ITGA1: variants seen among roughly 807,000 people sequenced by gnomAD.
ITGA1 encodes the protein integrin subunit alpha 1, also known as integrin alpha-1.
A neutral mutation model predicts 145.9 loss-of-function variants in ITGA1; 85 were observed. The observed-to-expected ratio is 0.58, with a 90% CI of 0.49 to 0.70. The LOEUF is 0.70. Among genes scored for constraint, ITGA1 ranks in the 30% least tolerant of loss-of-function variants. The pLI, the probability that ITGA1 is intolerant of heterozygous loss-of-function variation, is 0.00. For synonymous variants in ITGA1, 520 were observed against 495.3 expected, an observed-to-expected ratio of 1.05 and a Z score of -0.66; for missense variants, 1,351 against 1,418.7, an observed-to-expected ratio of 0.95 and a Z score of 0.77.
intron 1 of ITGA1, among the ~76,000 whole-genome samples, chr5:52,789,274 C>T (rs1367470134): frequency 6.6e-6 from 1 of 151,934 alleles, no homozygotes; most frequent in Non-Finnish European, 1.5e-5. Flanking sequence ...GAAAGTGTAT[C>T]GATAGAATCT....
rs192093828 is a variant in ITGA1 at position 52,906,567 on chromosome 5, C to T, written c.1455+659C>T. ...AAATATGCAAACATTTACACACACA[C>T]ATATTAACTGAAAGAAAGATCTAAC... On this transcript the variant is annotated intron_variant, in intron 12 of 28. Coordinates refer to ENST00000282588, the MANE Select transcript of ITGA1 (RefSeq NM_181501.2). Among the ~76,000 whole-genome samples, 5 of 152,144 alleles carry T rather than the reference C, an allele frequency of 3.3e-5. No homozygotes were observed. The South Asian group carries it at 8.3e-4, about 25-fold the overall frequency.
In ITGA1 at chr5:52,893,669, T is replaced by C. The variant is rs750797720; in HGVS notation, c.925-6T>C. Reference sequence around the variant, plus strand: ...ATATATTCTTGCTGTTTCTGTTGTGTCTTAGATTCTTGGCAGCTATAACCG... The same window carrying C: ...ATATATTCTTGCTGTTTCTGTTGTGCCTTAGATTCTTGGCAGCTATAACCG... On this transcript the variant is annotated splice_region_variant and splice_polypyrimidine_tract_variant and intron_variant, in intron 8 of 28. Coordinates refer to ENST00000282588, the MANE Select transcript of ITGA1 (RefSeq NM_181501.2). 1 of 1,608,974 alleles carries C rather than the reference T, an allele frequency of 6.2e-7. No homozygotes were observed. The highest frequency in any genetic ancestry group is 8.5e-7 in the Non-Finnish European group (1 of 1,177,380).
chr5:52,893,937 T>TC, intron 9 of ITGA1, 97 bp downstream of exon 9: 1 of 788,946 alleles, frequency 1.3e-6, no homozygotes, highest in East Asian at 2.9e-5. Context: ...AGTAATACTT[T>TC]TTTTTTTTTT....
chr5:52,897,140 T>C (rs1463314759), intron 9 of ITGA1, among the ~76,000 whole-genome samples: 3 of 152,134 alleles, frequency 2.0e-5, no homozygotes, highest in Admixed American at 6.6e-5. Context: ...AACTTGAGCC[T>C]TGTGGACCCA....
chr5:52,878,145 A>G (rs1334775354), intron 6 of ITGA1, among the ~76,000 whole-genome samples: 1 of 152,130 alleles, frequency 6.6e-6, no homozygotes, highest in Non-Finnish European at 1.5e-5. Flanking sequence ...GGAGCTGAGG[A>G]GGACGGGGGA....
intron 17 of ITGA1, among the ~76,000 whole-genome samples, chr5:52,921,189 C>T (rs1351476805): frequency 1.3e-5 from 2 of 152,014 alleles, no homozygotes; most frequent in African/African-American, 4.8e-5. Context: ...AAACAAGAAG[C>T]AGCATGAAGG....
At position 52,887,930 on chromosome 5, in the gene ITGA1, T is replaced by C; in HGVS notation, c.889T>C (p.Cys297Arg). The C allele has an allele frequency of 6.2e-7, 1 of 1,613,740 alleles. No homozygotes were observed. The highest frequency in any genetic ancestry group is 8.5e-7 in the Non-Finnish European group (1 of 1,179,740). ...TCGACTGAAGAAGGTCATCCAAGACTGTGAAGATGAAAACATTCAACGGTT... is the reference window on the plus strand; with the variant it reads ...TCGACTGAAGAAGGTCATCCAAGACCGTGAAGATGAAAACATTCAACGGTT... ...NHRLKKVIQDCEDENIQRFSI... is the reference protein window; with the variant it reads ...NHRLKKVIQDREDENIQRFSI... The change falls in exon 8 of 29, where the codon TGT becomes CGT. Residue 297 changes from cysteine to arginine, a missense_variant. Coordinates refer to ENST00000282588, the MANE Select transcript of ITGA1 (RefSeq NM_181501.2).
chr5:52,829,663 A>G (rs1393610579), intron 1 of ITGA1, among the ~76,000 whole-genome samples: 1 of 152,158 alleles, frequency 6.6e-6, no homozygotes, highest in Non-Finnish European at 1.5e-5. Context: ...AAACAGTTCA[A>G]TACTCATTTA....
chr5:52,898,565 C>G (rs1750267417), intron 11 of ITGA1, among the ~76,000 whole-genome samples, 182 bp downstream of exon 11: 1 of 152,090 alleles, frequency 6.6e-6, no homozygotes, highest in Non-Finnish European at 1.5e-5. Context: ...GTCAAAATGA[C>G]ATACATGGGG....
chr5:52,892,683 G>A (rs1038400009), intron 8 of ITGA1, among the ~76,000 whole-genome samples: 5 of 152,084 alleles, frequency 3.3e-5, no homozygotes. Flanking sequence ...ACTGCTACAT[G>A]CAGCAACACG....
intron 21 of ITGA1, among the ~76,000 whole-genome samples, chr5:52,930,140 C>A (rs536828606): frequency 6.6e-6 from 1 of 152,082 alleles, no homozygotes; most frequent in Non-Finnish European, 1.5e-5. Context: ...TGAAAGGTAT[C>A]ATAGAACACA....
intron 18 of ITGA1, 149 bp downstream of exon 18, chr5:52,923,036 C>G (rs1274397896): frequency 1.7e-6 from 1 of 593,970 alleles, no homozygotes; most frequent in Non-Finnish European, 3.0e-6. Flanking sequence ...GATTTTATTC[C>G]TGGTCAGGAA....
At position 52,955,007 on chromosome 5, in the gene ITGA1, C is replaced by T. The variant is rs10940284; in HGVS notation, c.*2556C>T. ...TAAGACTATTTATAAACTTATTGGC[C>T]AAATTGCCAAAAAGTTTCTTTTTCT... On this transcript the variant is annotated 3_prime_UTR_variant, in exon 29 of 29. Transcript: ENST00000282588. The T allele has an allele frequency of 0.52, 79,437 of 151,838 alleles. 21,342 individuals carry two copies. The highest frequency in any genetic ancestry group is 0.59 in the Middle Eastern group (172 of 294). The allele number at this position is 151,838 out of a possible 1,614,324, so 9.4% of individuals were successfully genotyped here.
At chr5:52,911,933 C>CTACTATATA (rs1172458822) in intron 14 of ITGA1, among the ~76,000 whole-genome samples, 1 of 126,362 alleles carries the variant, frequency 7.9e-6, no homozygotes, top group Non-Finnish European at 1.6e-5. Context: ...TATAGTGTAT[C>CTACTATATA]TACTATATAT....
At chr5:52,831,866 C>G (rs1288517253) in intron 1 of ITGA1, among the ~76,000 whole-genome samples, 1 of 151,950 alleles carries the variant, frequency 6.6e-6, no homozygotes, top group Non-Finnish European at 1.5e-5. Flanking sequence ...CAGAGTAGGC[C>G]CAGTCTTTCT....
intron 6 of ITGA1, among the ~76,000 whole-genome samples, chr5:52,870,781 G>A (rs997264502): frequency 2.6e-5 from 4 of 152,218 alleles, no homozygotes; most frequent in Non-Finnish European, 4.4e-5. Flanking sequence ...TACTGGAAGT[G>A]AGTGGCTGCC....
chr5:52,878,254 C>T (rs940251276), intron 6 of ITGA1, among the ~76,000 whole-genome samples: 1 of 152,108 alleles, frequency 6.6e-6, no homozygotes. Flanking sequence ...TTGTTAGAAG[C>T]AAAGTATCCA....
At chr5:52,868,515 G>A (rs549423070) in intron 6 of ITGA1, among the ~76,000 whole-genome samples, 1 of 152,334 alleles carries the variant, frequency 6.6e-6, no homozygotes, top group African/African-American at 2.4e-5. Flanking sequence ...TAAAAGAGGA[G>A]CTATTCTGCC....
intron 9 of ITGA1, among the ~76,000 whole-genome samples, chr5:52,894,674 C>G (rs1316800525): frequency 1.3e-5 from 2 of 152,126 alleles, no homozygotes; most frequent in Non-Finnish European, 2.9e-5. Flanking sequence ...TAGGCTACAT[C>G]CAAATCCAGT....
Sources: allele counts gnomAD v4.1 joint callset (sites outside exome capture counted in the v4.1 genomes callset), GRCh38; gene constraint gnomAD v4.1.1; transcripts MANE v1.5; gene names NCBI Gene and HGNC (gene_info 2026-07-23, HGNC 2026-07-21).